The following ADCY2 variants were observed in gnomAD, a reference collection of about 807,000 sequenced individuals.
ADCY2 encodes adenylate cyclase 2, also known as adenylate cyclase type 2.
In ADCY2, 31 loss-of-function variants were observed where a neutral mutation model predicts 125.2. That is an observed-to-expected ratio of 0.25 (90% CI 0.19 to 0.33). ADCY2 has a LOEUF of 0.33. Among genes scored for constraint, ADCY2 ranks in the 10% least tolerant of loss-of-function variants. ADCY2 has a pLI of 1.00. For synonymous variants in ADCY2, 512 were observed against 548.4 expected (o/e 0.93, Z 0.93); for missense variants, 904 against 1,418.2 (o/e 0.64, Z 5.82).
At chr5:7,695,340 T>C (rs1740853859) in intron 5 of ADCY2, among the ~76,000 whole-genome samples, 1 of 152,216 alleles carries the variant, frequency 6.6e-6, no homozygotes, top group South Asian at 2.1e-4. Context: ...TGGACATTTG[T>C]TGATGTTCAC....
chr5:7,569,339 G>C (rs748464388), intron 3 of ADCY2, among the ~76,000 whole-genome samples: 2 of 152,128 alleles, frequency 1.3e-5, no homozygotes, highest in Non-Finnish European at 2.9e-5. Flanking sequence ...CTGGCTGTTG[G>C]ATGTGGATGA....
intron 2 of ADCY2, among the ~76,000 whole-genome samples, chr5:7,520,134 C>T (rs760985681): frequency 6.6e-6 from 1 of 152,140 alleles, no homozygotes; most frequent in Non-Finnish European, 1.5e-5. Flanking sequence ...TTATCTGTTT[C>T]AGTACGTGTT....
chr5:7,703,054 T>C (rs10454955), intron 7 of ADCY2, among the ~76,000 whole-genome samples: 120,224 of 150,856 alleles, frequency 0.8, 48,246 homozygotes, highest in South Asian at 0.85. Context: ...TCATATCCTT[T>C]GCCCACTTTT....
At chr5:7,615,643 T>C (rs974413531) in intron 3 of ADCY2, among the ~76,000 whole-genome samples, 13 of 152,200 alleles carry the variant, frequency 8.5e-5, no homozygotes, top group Admixed American at 4.6e-4. Flanking sequence ...GTTTCCAGAC[T>C]GTGTTCCAAG....
intron 4 of ADCY2, among the ~76,000 whole-genome samples, chr5:7,666,133 C>T (rs1236316322): frequency 6.6e-6 from 1 of 150,506 alleles, no homozygotes; most frequent in Non-Finnish European, 1.5e-5. Flanking sequence ...CCACTGCGCC[C>T]AGCCCTTATT....
chr5:7,468,728 A>G (rs1742221378), intron 2 of ADCY2, among the ~76,000 whole-genome samples: 1 of 152,176 alleles, frequency 6.6e-6, no homozygotes, highest in Non-Finnish European at 1.5e-5. Context: ...AGGCAAGGGC[A>G]TAGAGGCCGT....
chr5:7,584,846 A>T (rs1736570959), intron 3 of ADCY2, among the ~76,000 whole-genome samples: 1 of 152,168 alleles, frequency 6.6e-6, no homozygotes, highest in Admixed American at 6.5e-5. Context: ...AATTTGCCAA[A>T]ATGCGTGAAA....
chr5:7,741,889 G>A lies in ADCY2; in HGVS notation c.1872-1779G>A, dbSNP rs112983280. 4.8e-5 allele frequency among the ~76,000 whole-genome samples: 7 copies of A among 145,002 alleles called. No individual in the cohort carries two copies. In the Admixed American group the frequency reaches 4.9e-4, roughly 10 times the overall value. On this transcript the variant is annotated intron_variant, in intron 14 of 24. Transcript: ENST00000338316. ...TATCAATATCACCATCACTATCCCT[G>A]TCACCATCACTGTATCACCTGTTAT...
intron 3 of ADCY2, among the ~76,000 whole-genome samples, chr5:7,590,425 T>G (rs1179927134): frequency 2.0e-5 from 3 of 152,220 alleles, no homozygotes. Flanking sequence ...CTTTTTAAAA[T>G]TCTGTTTTTA....
At chr5:7,423,646 A>G (rs1331091238) in intron 2 of ADCY2, among the ~76,000 whole-genome samples, 7 of 152,162 alleles carry the variant, frequency 4.6e-5, no homozygotes, top group Admixed American at 2.6e-4. Context: ...TTTTCTTTAT[A>G]AATTACCCAG....
In ADCY2 at chr5:7,443,639, CAAAAAAAAAAAA is replaced by C. The variant is rs56089574; in HGVS notation, c.408+28888_408+28899del. Among the ~76,000 whole-genome samples, 3 of 51,198 alleles carry C rather than the reference CAAAAAAAAAAAA, an allele frequency of 5.9e-5. 1 individual carries two copies. The Admixed American group carries it at 1.2e-3, about 20-fold the overall frequency. The allele number at this position is 51,198 out of a possible 152,430, so 33.6% of individuals were successfully genotyped here. On this transcript the variant is annotated intron_variant, in intron 2 of 24. Transcript: ENST00000338316. ...TGGGCGACAGAGTAAGACTCTGTCTCAAAAAAAAAAAAAAAAAAAAAAAAAAAAAAGGATACG... is the reference window on the plus strand; with the variant it reads ...TGGGCGACAGAGTAAGACTCTGTCTCAAAAAAAAAAAAAAAAAAGGATACG...
intron 3 of ADCY2, among the ~76,000 whole-genome samples, chr5:7,542,358 A>G (rs928479854): frequency 6.9e-6 from 1 of 144,852 alleles, no homozygotes; most frequent in Non-Finnish European, 1.5e-5. Context: ...GTAAAATATT[A>G]CAGAAAAAAA....
At chr5:7,730,686 G>A (rs996286594) in intron 14 of ADCY2, among the ~76,000 whole-genome samples, 3 of 151,832 alleles carry the variant, frequency 2.0e-5, no homozygotes, top group Admixed American at 6.6e-5. Flanking sequence ...TTTTATTTTC[G>A]CTCAGAATTA....
chr5:7,603,815 G>GTTTTTTTTTTTTTTTTTTTTTT (rs1277338369), intron 3 of ADCY2, among the ~76,000 whole-genome samples: 2 of 68,458 alleles, frequency 2.9e-5, no homozygotes, highest in African/African-American at 5.5e-5. Flanking sequence ...TTTTTCTTTT[G>GTTTTTTTTTTTTTTTTTTTTTT]TTTTTTTTTT....
At chr5:7,529,787 G>A (rs1446473389) in intron 3 of ADCY2, among the ~76,000 whole-genome samples, 1 of 152,258 alleles carries the variant, frequency 6.6e-6, no homozygotes, top group Admixed American at 6.5e-5. Context: ...GTGCCCTTGT[G>A]AGGGTGGCCC....
intron 4 of ADCY2, among the ~76,000 whole-genome samples, chr5:7,661,354 T>C (rs965112861): frequency 6.6e-6 from 1 of 152,124 alleles, no homozygotes; most frequent in Non-Finnish European, 1.5e-5. Flanking sequence ...AAGAGTCTTA[T>C]GATGGAAAAT....
chr5:7,493,591 A>G (rs968818248), intron 2 of ADCY2, among the ~76,000 whole-genome samples: 4 of 152,160 alleles, frequency 2.6e-5, no homozygotes, highest in African/African-American at 7.2e-5. Context: ...ATCCCTTCCT[A>G]GAAGATGTGA....
At chr5:7,421,930 A>G (rs1255474141) in intron 2 of ADCY2, among the ~76,000 whole-genome samples, 1 of 152,244 alleles carries the variant, frequency 6.6e-6, no homozygotes, top group Non-Finnish European at 1.5e-5. Flanking sequence ...ATAAACACTC[A>G]TGAATGTAAA....
intron 3 of ADCY2, among the ~76,000 whole-genome samples, chr5:7,546,564 C>T (rs1458586080): frequency 2.0e-5 from 3 of 152,188 alleles, no homozygotes; most frequent in African/African-American, 7.2e-5. Context: ...CCCCTTTCCC[C>T]AGAGCATTCA....
Sources: gnomAD v4.1 joint callset for allele counts (sites outside exome capture counted in the v4.1 genomes callset) on GRCh38, gnomAD v4.1.1 for gene constraint, MANE v1.5 for transcripts, NCBI Gene and HGNC (gene_info 2026-07-23, HGNC 2026-07-21) for gene names.